The following POU2F1 variants were observed in gnomAD, a reference collection of about 807,000 sequenced individuals.
POU2F1 encodes POU domain, class 2, transcription factor 1.
A neutral mutation model predicts 84.9 loss-of-function variants in POU2F1; 16 were observed. That is an observed-to-expected ratio of 0.19 (90% CI 0.13 to 0.29). POU2F1 has a LOEUF of 0.29. Among genes scored for constraint, POU2F1 ranks in the 10% least tolerant of loss-of-function variants. POU2F1 has a pLI of 1.00. For missense variants in POU2F1, 738 were observed against 942.6 expected, an observed-to-expected ratio of 0.78 and a Z score of 2.84; for synonymous variants, 368 against 368.3, an observed-to-expected ratio of 1.00 and a Z score of 0.01.
In POU2F1 at chr1:167,406,809, G is replaced by A. The variant is rs558144604; in HGVS notation, c.1556-5150G>A. ...ATACTTAGGAATAAACTTAAAAGAAGTGTAAGACTTGAACAATGAAAACTA... is the reference window on the plus strand; with the variant it reads ...ATACTTAGGAATAAACTTAAAAGAAATGTAAGACTTGAACAATGAAAACTA... On this transcript the variant is annotated intron_variant, in intron 13 of 15. Transcript: ENST00000367866. Among the ~76,000 whole-genome samples the A allele has an allele frequency of 1.6e-3, 243 of 152,084 alleles. 1 individual carries two copies. The highest frequency in any genetic ancestry group is 3.0e-3 in the Non-Finnish European group (203 of 67,966).
rs577800988 is a variant in POU2F1 at position 167,381,362 on chromosome 1, C to T, written c.719-2495C>T. Among the ~76,000 whole-genome samples, 246 of 152,214 alleles carry T rather than the reference C, an allele frequency of 1.6e-3. 1 individual carries two copies. Among genetic ancestry groups the T allele is most frequent in the African/African-American group, 5.6e-3 (233 of 41,544 alleles). The stretch of plus-strand genomic sequence containing the variant: ...CCTCCCAAAGTGCTGGGATTACAGG[C>T]GTGAGCCATGGCGCCTGGCCAAGCA... On this transcript the variant is annotated intron_variant, in intron 7 of 15. Coordinates refer to ENST00000367866, the MANE Select transcript of POU2F1 (RefSeq NM_002697.4).
intron 1 of POU2F1, among the ~76,000 whole-genome samples, chr1:167,246,110 T>A (rs900562106): frequency 6.6e-6 from 1 of 152,232 alleles, no homozygotes; most frequent in South Asian, 2.1e-4. Context: ...ATGATAATAA[T>A]GATAGAACAT....
At chr1:167,392,776 G>A (rs534261973) in intron 9 of POU2F1, among the ~76,000 whole-genome samples, 1 of 152,138 alleles carries the variant, frequency 6.6e-6, no homozygotes, top group African/African-American at 2.4e-5. Flanking sequence ...TGGACTATGT[G>A]GGTTAAAGTA....
chr1:167,297,767 A>G (rs928198286), intron 1 of POU2F1, among the ~76,000 whole-genome samples: 1 of 152,170 alleles, frequency 6.6e-6, no homozygotes, highest in African/African-American at 2.4e-5. Flanking sequence ...ACAATTTTGA[A>G]TCAGCTCTAT....
In POU2F1 at chr1:167,391,903, A is replaced by G. The variant is rs116291173; in HGVS notation, c.987+2142A>G. 4.9e-3 allele frequency among the ~76,000 whole-genome samples: 740 copies of G among 152,242 alleles called. 2 individuals carry two copies. Among genetic ancestry groups the G allele is most frequent in the South Asian group, 0.015 (72 of 4,828 alleles). On this transcript the variant is annotated intron_variant, in intron 9 of 15. Transcript: ENST00000367866. ...GAATTCATTTTTGCTCAAAGAAATC[A>G]ATTGTGTTGGGGAATATGTAATGAT...
intron 1 of POU2F1, among the ~76,000 whole-genome samples, chr1:167,243,075 G>A (rs192005520): frequency 3.3e-5 from 5 of 152,126 alleles, no homozygotes; most frequent in South Asian, 2.1e-4. Flanking sequence ...CTTCAGTGCC[G>A]CTACTTAACT....
chr1:167,272,362 G>T (rs1435052480), intron 1 of POU2F1, among the ~76,000 whole-genome samples: 7 of 86,762 alleles, frequency 8.1e-5, no homozygotes, highest in South Asian at 3.3e-4. Context: ...CTCTGGTTTT[G>T]TAAGTATGTT....
At chr1:167,278,210 T>G (rs933648419) in intron 1 of POU2F1, among the ~76,000 whole-genome samples, 1 of 152,236 alleles carries the variant, frequency 6.6e-6, no homozygotes, top group Admixed American at 6.5e-5. Context: ...ACTTCTCTGC[T>G]TAGTCAATTT....
chr1:167,316,416 T>A (rs528844001), intron 1 of POU2F1, among the ~76,000 whole-genome samples: 2 of 152,312 alleles, frequency 1.3e-5, no homozygotes, highest in East Asian at 3.9e-4. Context: ...CCTTGATAAC[T>A]AGGAGAATGA....
chr1:167,264,258 A>G (rs1651783687), intron 1 of POU2F1, among the ~76,000 whole-genome samples: 1 of 152,076 alleles, frequency 6.6e-6, no homozygotes. Flanking sequence ...TTAAGAGGAA[A>G]TGAATTTTAA....
At chr1:167,412,754 ATTTTGGAAAG>A (rs1650051773) in intron 14 of POU2F1, among the ~76,000 whole-genome samples, 1 of 152,174 alleles carries the variant, frequency 6.6e-6, no homozygotes, top group Non-Finnish European at 1.5e-5. Flanking sequence ...TGTTTCTTTC[ATTTTGGAAAG>A]AAAGAGAAAT....
rs569999719 is a variant in POU2F1, at chr1:167,405,565, A to G, written c.1555+4009A>G. 9.1e-4 allele frequency among the ~76,000 whole-genome samples: 138 copies of G among 151,626 alleles called. 3 individuals carry two copies. The South Asian group carries it at 9.6e-3, about 11-fold the overall frequency. ...TAGCCAGGCGTGGTGGCACGTGCCT[A>G]TAGTCCTAGCTGCTCGGGAGGCTGA... On this transcript the variant is annotated intron_variant, in intron 13 of 15. Coordinates refer to ENST00000367866, the MANE Select transcript of POU2F1 (RefSeq NM_002697.4).
At chr1:167,402,732 T>C (rs1649295750) in intron 13 of POU2F1, among the ~76,000 whole-genome samples, 3 of 152,214 alleles carry the variant, frequency 2.0e-5, no homozygotes. Context: ...TGGTTAAGAA[T>C]ATATATAATA....
intron 7 of POU2F1, 64 bp downstream of exon 7, chr1:167,376,219 A>G (rs1348807313): frequency 1.3e-6 from 2 of 1,505,570 alleles, no homozygotes; most frequent in East Asian, 4.8e-5. Context: ...TTACACATGC[A>G]TGAACTACTA....
chr1:167,313,789 T>A (rs1655664578), intron 1 of POU2F1, among the ~76,000 whole-genome samples: 1 of 152,224 alleles, frequency 6.6e-6, no homozygotes, highest in Non-Finnish European at 1.5e-5. Context: ...GTTAAGAGGA[T>A]GAAAAGACAT....
intron 1 of POU2F1, among the ~76,000 whole-genome samples, chr1:167,315,942 A>G (rs1419525276): frequency 6.6e-6 from 1 of 152,252 alleles, no homozygotes; most frequent in Non-Finnish European, 1.5e-5. Flanking sequence ...AAAGGCATAC[A>G]TAATGCCAAG....
At chr1:167,319,334 T>A (rs1303491593) in intron 1 of POU2F1, among the ~76,000 whole-genome samples, 1 of 152,212 alleles carries the variant, frequency 6.6e-6, no homozygotes, top group Admixed American at 6.5e-5. Flanking sequence ...TTGTTTTGCT[T>A]CTGTCTTTGC....
chr1:167,414,509 C>A (rs1650180184), intron 15 of POU2F1: 1 of 985,242 alleles, frequency 1.0e-6, no homozygotes, highest in Non-Finnish European at 1.2e-6. Flanking sequence ...TCCCTCAAAT[C>A]TACATGTAGG....
Position 167,420,294 on chromosome 1 carries a change from G to C in POU2F1, c.*4484G>C, listed in dbSNP as rs1302033209. 6.6e-6 allele frequency: 1 copy of C among 151,468 alleles called. No homozygotes were observed. Among genetic ancestry groups the C allele is most frequent in the East Asian group, 1.9e-4 (1 of 5,132 alleles). The allele number at this position is 151,468 out of a possible 1,614,324, so 9.4% of individuals were successfully genotyped here. ...TTCTCCTGCTTCAGCCTCCCAAGTAGCTGGGATTACAGGCGCCCACCACCG... is the reference window on the plus strand; with the variant it reads ...TTCTCCTGCTTCAGCCTCCCAAGTACCTGGGATTACAGGCGCCCACCACCG... On this transcript the variant is annotated 3_prime_UTR_variant, in exon 16 of 16. Transcript: ENST00000367866.
Sources: allele counts gnomAD v4.1 joint callset (sites outside exome capture counted in the v4.1 genomes callset), GRCh38; gene constraint gnomAD v4.1.1; transcripts MANE v1.5; gene names NCBI Gene and HGNC (gene_info 2026-07-23, HGNC 2026-07-21).